Variants in MELK observed in about 807,000 individuals in gnomAD.
The protein encoded by MELK is maternal embryonic leucine zipper kinase.
In MELK, 81 loss-of-function variants were observed where a neutral mutation model predicts 85.0. The observed-to-expected ratio is 0.95, with a 90% confidence interval of 0.80 to 1.15. The LOEUF (loss-of-function observed/expected upper bound fraction) is 1.15. MELK is among the 50% of genes most tolerant of loss of function. The pLI is 0.00. For synonymous variants in MELK, 252 were observed against 265.0 expected (o/e 0.95, Z 0.48); for missense variants, 754 against 777.5 (o/e 0.97, Z 0.36).
chr9:36,578,708 A>G (rs1401013722), intron 1 of MELK, among the ~76,000 whole-genome samples: 1 of 152,202 alleles, frequency 6.6e-6, no homozygotes, highest in Non-Finnish European at 1.5e-5. Flanking sequence ...TTTGATAGGA[A>G]TATCACAGTC....
At chr9:36,594,599 C>T in intron 4 of MELK, 29 bp from the exon 5 acceptor site, 1 of 1,596,276 alleles carries the variant, frequency 6.3e-7, no homozygotes, top group African/African-American at 1.3e-5. Context: ...TAAGTTGTAA[C>T]AATATCTGTG....
intron 2 of MELK, among the ~76,000 whole-genome samples, chr9:36,583,248 C>A (rs1306202528): frequency 1.3e-5 from 2 of 152,104 alleles, no homozygotes. Context: ...GCTGGGATTA[C>A]AGGCGTGAGC....
intron 8 of MELK, among the ~76,000 whole-genome samples, chr9:36,626,962 A>G (rs1457001341): frequency 2.0e-5 from 3 of 147,978 alleles, no homozygotes; most frequent in African/African-American, 5.1e-5. Context: ...CCATCTCAAG[A>G]AGAAAAAAAA....
chr9:36,590,802 G>A (rs915888817), intron 4 of MELK, among the ~76,000 whole-genome samples: 3 of 152,108 alleles, frequency 2.0e-5, no homozygotes, highest in Non-Finnish European at 2.9e-5. Context: ...AATTTTGGCC[G>A]GGTCCTCTCA....
At chr9:36,644,939 T>G (rs1289771020) in intron 11 of MELK, among the ~76,000 whole-genome samples, 1 of 151,810 alleles carries the variant, frequency 6.6e-6, no homozygotes, top group Non-Finnish European at 1.5e-5. Flanking sequence ...CAAATTGGTA[T>G]GAGATCTACA....
chr9:36,665,740 A>T (rs1832277734), intron 14 of MELK, among the ~76,000 whole-genome samples, 159 bp downstream of exon 14: 1 of 152,242 alleles, frequency 6.6e-6, no homozygotes, highest in African/African-American at 2.4e-5. Flanking sequence ...AAATGAAAGC[A>T]TATTTGTCAA....
At chr9:36,665,726 G>T in intron 14 of MELK, 145 bp downstream of exon 14, 1 of 582,348 alleles carries the variant, frequency 1.7e-6, no homozygotes, top group Non-Finnish European at 2.9e-6. Context: ...ATTTGCATTA[G>T]TTAAAATGAA....
At chr9:36,627,788 A>G (rs987303135) in intron 8 of MELK, among the ~76,000 whole-genome samples, 7 of 151,606 alleles carry the variant, frequency 4.6e-5, no homozygotes, top group Non-Finnish European at 1.0e-4. Context: ...CAGCCTCCCA[A>G]AGTGCTGGGA....
At position 36,594,760 on chromosome 9, in the gene MELK, G is replaced by T; in HGVS notation, c.394G>T (p.Asp132Tyr). Residue 132 changes from aspartate (D) to tyrosine (Y), a missense_variant, in exon 5 of 18, where the codon GAC becomes TAC. By Grantham distance (160) the Asp-to-Tyr change is radical. Coordinates refer to ENST00000298048, the MANE Select transcript of MELK (RefSeq NM_014791.4). The part of the protein sequence containing the change: ...YVHSQGYAHR[D>Y]LKPENLLFDE... ...GCACAGCCAGGGCTATGCTCACAGGGACCTCAAGCCAGTAAGTGACTGCAT... is the reference window on the plus strand; with the variant it reads ...GCACAGCCAGGGCTATGCTCACAGGTACCTCAAGCCAGTAAGTGACTGCAT... The T allele has an allele frequency of 1.9e-6, 3 of 1,613,508 alleles. No homozygotes were observed. The highest frequency in any genetic ancestry group is 2.5e-6 in the Non-Finnish European group (3 of 1,179,852).
At chr9:36,580,143 CT>C (rs1822071330) in intron 1 of MELK, among the ~76,000 whole-genome samples, 4 of 150,270 alleles carry the variant, frequency 2.7e-5, no homozygotes, top group Non-Finnish European at 5.9e-5. Context: ...TGCCTCCTGC[CT>C]CAGCCTCCCA....
chr9:36,609,129 G>A (rs1353816250), intron 8 of MELK, among the ~76,000 whole-genome samples: 1 of 152,054 alleles, frequency 6.6e-6, no homozygotes, highest in Non-Finnish European at 1.5e-5. Flanking sequence ...TGGGGTTAGG[G>A]GTGGAGAGTG....
In MELK at chr9:36,630,325, G is replaced by A. The variant is rs770129579; in HGVS notation, c.693G>A (p.Trp231Ter). The change falls in exon 9 of 18, where the codon TGG becomes TGA. Residue 231 changes from tryptophan (W) to a stop codon, truncating the protein, a stop_gained. Transcript: ENST00000298048. LOFTEE classifies it high-confidence loss of function. ...GAGGAAAATATGATGTTCCCAAGTG[G>A]CTCTCTCCCAGTAGCATTCTGCTTC... is the stretch of plus-strand genomic sequence containing the variant. ...IMRGKYDVPK[W>*]LSPSSILLLQ... is the part of the protein sequence containing the mutation. The A allele has an allele frequency of 6.2e-6, 10 of 1,610,910 alleles. No individual in the cohort carries two copies. The East Asian group carries it at 2.0e-4, about 32-fold the overall frequency.
At chr9:36,647,258 T>C (rs1435549663) in intron 11 of MELK, among the ~76,000 whole-genome samples, 1 of 152,216 alleles carries the variant, frequency 6.6e-6, no homozygotes, top group Non-Finnish European at 1.5e-5. Context: ...TGCCATGCCA[T>C]CATTGATAAG....
intron 12 of MELK, among the ~76,000 whole-genome samples, chr9:36,654,797 A>C (rs1831063568): frequency 6.6e-6 from 1 of 152,224 alleles, no homozygotes; most frequent in Non-Finnish European, 1.5e-5. Flanking sequence ...AATTATTTGC[A>C]AAGTCATATT....
At chr9:36,639,364 A>G (rs1829525651) in intron 10 of MELK, among the ~76,000 whole-genome samples, 1 of 152,230 alleles carries the variant, frequency 6.6e-6, no homozygotes, top group Non-Finnish European at 1.5e-5. Context: ...TTTCATCAAG[A>G]GTGAACTATT....
intron 16 of MELK, among the ~76,000 whole-genome samples, chr9:36,671,783 G>A (rs1455384876): frequency 6.6e-6 from 1 of 152,156 alleles, no homozygotes; most frequent in Non-Finnish European, 1.5e-5. Flanking sequence ...TTATTCTCTT[G>A]GATTCTCTCT....
intron 3 of MELK, among the ~76,000 whole-genome samples, chr9:36,588,845 C>T (rs1393171482): frequency 6.6e-6 from 1 of 152,112 alleles, no homozygotes; most frequent in Non-Finnish European, 1.5e-5. Context: ...CAGTGAATAC[C>T]CATATACCTT....
At chr9:36,636,016 T>G (rs1454920750) in intron 10 of MELK, among the ~76,000 whole-genome samples, 1 of 151,732 alleles carries the variant, frequency 6.6e-6, no homozygotes, top group Non-Finnish European at 1.5e-5. Context: ...AGGCTGGTCT[T>G]GAACTCCTGA....
chr9:36,594,630 C>G lies in MELK; in HGVS notation c.264C>G (p.Tyr88Ter). 2 of 1,612,080 alleles carry G rather than the reference C, an allele frequency of 1.2e-6. No homozygotes were observed. Among genetic ancestry groups the G allele is most frequent in the Non-Finnish European group, 8.5e-7 (1 of 1,179,422 alleles). ...TANKIFMVLE[Y>*]CPGGELFDYI... is the part of the protein sequence containing the mutation. Reference sequence around the variant, plus strand: ...CTGTGATTCCATTGCTGTTGAAGTACTGCCCTGGAGGAGAGCTGTTTGACT... The same window carrying G: ...CTGTGATTCCATTGCTGTTGAAGTAGTGCCCTGGAGGAGAGCTGTTTGACT... The change falls in exon 5 of 18, where the codon TAC becomes TAG. Residue 88 changes from tyrosine (Y) to a stop codon, truncating the protein, a stop_gained and splice_region_variant. Transcript: ENST00000298048. LOFTEE classifies it high-confidence loss of function.
Sources: gnomAD v4.1 joint callset for allele counts (sites outside exome capture counted in the v4.1 genomes callset) on GRCh38, gnomAD v4.1.1 for gene constraint, MANE v1.5 for transcripts, NCBI Gene and HGNC (gene_info 2026-07-23, HGNC 2026-07-21) for gene names.